The following SLC25A35 variants were observed in gnomAD, a reference collection of about 807,000 sequenced individuals.
SLC25A35 encodes the protein solute carrier family 25 member 35.
A neutral mutation model predicts 30.5 loss-of-function variants in SLC25A35; 32 were observed. That is an observed-to-expected ratio of 1.05 (90% CI 0.79 to 1.41). The LOEUF is 1.41. Ranked by LOEUF, SLC25A35 falls within the 40% of genes most tolerant of loss-of-function variation. The pLI is 0.00. For missense variants in SLC25A35, 369 were observed against 388.0 expected (o/e 0.95, Z 0.41); for synonymous variants, 142 against 158.1 (o/e 0.90, Z 0.77).
Position 8,294,678 on chromosome 17 carries a change from G to A in SLC25A35, c.130C>T (p.Arg44Ter). 1.2e-6 allele frequency: 2 copies of A among 1,614,160 alleles called. No individual in the cohort carries two copies. Among genetic ancestry groups the A allele is most frequent in the East Asian group, 2.2e-5 (1 of 44,862 alleles). The change falls in exon 1 of 5, where the codon CGA (arginine) becomes TGA (stop). Residue 44 changes from arginine (R) to a stop codon, truncating the protein, a stop_gained. Transcript: ENST00000577745. LOFTEE classifies it high-confidence loss of function. ...QAPGTYQRHY[R>*]NVFHAFITIG... is the part of the protein sequence containing the mutation. ...GTGATGAAGGCATGGAAGACATTTC[G>A]GTAGTGCCGCTGGTATGTGCCAGGG... is the stretch of plus-strand genomic sequence containing the variant.
chr17:8,288,573 C>G (rs1990222670), downstream of SLC25A35: 1 of 626,184 alleles, frequency 1.6e-6, no homozygotes, highest in South Asian at 1.9e-5. Flanking sequence ...CTCCTAAGAG[C>G]GCGGCTTCCG....
chr17:8,289,055 G>A (rs758596981), downstream of SLC25A35: 2 of 1,613,672 alleles, frequency 1.2e-6, no homozygotes, highest in African/African-American at 1.3e-5. Flanking sequence ...CCCACGTACG[G>A]GGCGAAGCGG....
chr17:8,288,977 C>T, downstream of SLC25A35: 1 of 1,614,150 alleles, frequency 6.2e-7, no homozygotes, highest in Non-Finnish European at 8.5e-7. Flanking sequence ...CGGTCCCGGA[C>T]AATCAAGAAG....
At chr17:8,293,931 T>TTTTG (rs1491485762) in intron 1 of SLC25A35, among the ~76,000 whole-genome samples, 2 of 126,830 alleles carry the variant, frequency 1.6e-5, no homozygotes, top group African/African-American at 6.0e-5. Flanking sequence ...TTTTTTTTTT[T>TTTTG]GTGAGACGTA....
At chr17:8,289,688 G>A (rs1270404970), downstream of SLC25A35, 1 of 1,608,970 alleles carries the variant, frequency 6.2e-7, no homozygotes, top group South Asian at 1.1e-5. Flanking sequence ...GATCCTCCAA[G>A]GAAGCAGGAG....
At position 8,291,111 on chromosome 17, in the gene SLC25A35, A is replaced by T; in HGVS notation, c.595-135T>A. 1.5e-6 allele frequency: 2 copies of T among 1,351,854 alleles called. 1 individual carries two copies. Among genetic ancestry groups the T allele is most frequent in the Admixed American group, 4.7e-5 (2 of 42,826 alleles). 83.7% of individuals were successfully genotyped at this position (1,351,854 alleles called of 1,614,324 possible). On this transcript the variant is annotated intron_variant, in intron 3 of 4. Transcript: ENST00000577745. ...CTGCACCAGTTATAACAGTGCAAAAACAGTGAGAAGGAGGAAGGCCAGGGT... is the reference window on the plus strand; with the variant it reads ...CTGCACCAGTTATAACAGTGCAAAATCAGTGAGAAGGAGGAAGGCCAGGGT...
In SLC25A35 at chr17:8,290,448, G is replaced by C. The variant is rs1597443964; in HGVS notation, c.*57C>G. 6.6e-7 allele frequency: 1 copy of C among 1,521,628 alleles called. No homozygotes were observed. Among genetic ancestry groups the C allele is most frequent in the East Asian group, 2.5e-5 (1 of 40,772 alleles). 94.3% of individuals were successfully genotyped at this position (1,521,628 alleles called of 1,614,324 possible). ...TAATCAGTAGTCACCAGGACATAGT[G>C]GTGGAGGCACAAGTGGCCAAGGAGT... On this transcript the variant is annotated 3_prime_UTR_variant, in exon 5 of 5. Coordinates refer to ENST00000577745, the MANE Select transcript of SLC25A35 (RefSeq NM_001320870.2).
chr17:8,291,535 G>C (rs1312350532), intron 2 of SLC25A35, 50 bp from the exon 3 acceptor site: 2 of 1,551,430 alleles, frequency 1.3e-6, no homozygotes, highest in Non-Finnish European at 1.7e-6. Flanking sequence ...AGCATCAGGG[G>C]CTGCCATCCT....
chr17:8,291,660 C>A (rs376411590), intron 2 of SLC25A35, among the ~76,000 whole-genome samples, 175 bp from the exon 3 acceptor site: 102 of 152,302 alleles, frequency 6.7e-4, no homozygotes, highest in African/African-American at 2.4e-3. Flanking sequence ...TTGTTCCTTC[C>A]CTGGGCACCC....
chr17:8,289,081 A>ATGGCCCCCGGC, downstream of SLC25A35: 1 of 1,613,006 alleles, frequency 6.2e-7, no homozygotes, highest in Non-Finnish European at 8.5e-7. Context: ...CGGTGAGGGA[A>ATGGCCCCCGGC]TGGCCCCCGG....
At chr17:8,289,582 A>C, downstream of SLC25A35, 1 of 1,612,450 alleles carries the variant, frequency 6.2e-7, no homozygotes, top group East Asian at 2.2e-5. Flanking sequence ...ACCTTCAATC[A>C]GCCCCCGTAA....
chr17:8,289,063 C>T, downstream of SLC25A35: 1 of 1,613,560 alleles, frequency 6.2e-7, no homozygotes, highest in South Asian at 1.1e-5. Context: ...CGGGGCGAAG[C>T]GGCTGCGCGG....
chr17:8,294,717 C>T lies in SLC25A35; in HGVS notation c.91G>A (p.Gly31Arg). The change falls in exon 1 of 5, where the codon GGA becomes AGA. Residue 31 changes from glycine to arginine, a missense_variant. Coordinates refer to ENST00000577745, the MANE Select transcript of SLC25A35 (RefSeq NM_001320870.2). ...EVVKTRMQLQ[G>R]ELQAPGTYQR... ...TATGTGCCAGGGGCCTGCAGTTCTC[C>T]TTGCAACTGCATCCTGGTCTTCACC... 6.2e-7 allele frequency: 1 copy of T among 1,614,186 alleles called. No homozygotes were observed. The highest frequency in any genetic ancestry group is 8.5e-7 in the Non-Finnish European group (1 of 1,180,024).
downstream of SLC25A35, chr17:8,288,637 G>A: frequency 1.1e-6 from 1 of 890,926 alleles, no homozygotes; most frequent in Non-Finnish European, 1.8e-6. Flanking sequence ...TGGCCAACGA[G>A]AGCGCAGGGC....
At position 8,291,435 on chromosome 17, in the gene SLC25A35, C is replaced by G. The variant is rs139644274; in HGVS notation, c.492G>C (p.Gly164=). 4 of 1,614,092 alleles carry G rather than the reference C, an allele frequency of 2.5e-6. No individual in the cohort carries two copies. The Admixed American group carries it at 6.7e-5, about 27-fold the overall frequency. The change falls in exon 3 of 5, where the codon GGG becomes GGC. Residue 164 remains glycine (G), a synonymous_variant. Coordinates refer to ENST00000577745, the MANE Select transcript of SLC25A35 (RefSeq NM_001320870.2). ...TEIGQKHGLV[G]LWRGALGGLP... ...GGCCGCCCAGAGCCCCACGCCATAA[C>G]CCCACCAGACCATGTTTCTGGCCAA...
intron 2 of SLC25A35, 48 bp downstream of exon 2, chr17:8,292,475 A>G (rs1597448047): frequency 6.3e-7 from 1 of 1,578,440 alleles, no homozygotes; most frequent in Admixed American, 1.7e-5. Context: ...AAGCTAGGGG[A>G]AAAGAGAAAG....
Position 8,290,920 on chromosome 17 carries a change from A to C in SLC25A35, c.651T>G (p.Ile217Met), listed in dbSNP as rs1990441976. The stretch of plus-strand genomic sequence containing the variant: ...AGGGTGCCATGGCCAAGACAACTGC[A>C]ATGCCACTCATCATGGCAGCCACCA... ...LALVAAMMSG[I>M]AVVLAMAPFD... Residue 217 changes from isoleucine (I) to methionine (M), a missense_variant, in exon 4 of 5, where the codon ATT becomes ATG. Transcript: ENST00000577745. 3.7e-6 allele frequency: 6 copies of C among 1,614,124 alleles called. No homozygotes were observed. Among genetic ancestry groups the C allele is most frequent in the Non-Finnish European group, 5.1e-6 (6 of 1,179,994 alleles).
intron 3 of SLC25A35, 118 bp from the exon 4 acceptor site, chr17:8,291,094 G>T: frequency 1.4e-6 from 2 of 1,406,554 alleles, no homozygotes; most frequent in Non-Finnish European, 9.7e-7. Flanking sequence ...CACTGCACCA[G>T]TTATAACAGT....
At chr17:8,289,515 G>T (rs151189313), downstream of SLC25A35, 2 of 1,614,202 alleles carry the variant, frequency 1.2e-6, no homozygotes, top group Non-Finnish European at 1.7e-6. Context: ...AGCAAAGGAC[G>T]TGACACTTCA....
Sources: allele counts gnomAD v4.1 joint callset (sites outside exome capture counted in the v4.1 genomes callset), GRCh38; gene constraint gnomAD v4.1.1; transcripts MANE v1.5; gene names NCBI Gene and HGNC (gene_info 2026-07-23, HGNC 2026-07-21).